TMEM151A: variants seen among roughly 807,000 people sequenced by gnomAD.
TMEM151A encodes transmembrane protein 151.
Under a neutral mutation model 33.7 loss-of-function variants are expected in TMEM151A, and 21 were observed. That is an observed-to-expected ratio of 0.62 (90% CI 0.44 to 0.90). The LOEUF (loss-of-function observed/expected upper bound fraction) is 0.90. Among genes scored for constraint, TMEM151A ranks in the 40% least tolerant of loss-of-function variants. TMEM151A has a pLI of 0.00. For synonymous variants in TMEM151A, 374 were observed against 330.3 expected, an observed-to-expected ratio of 1.13 and a Z score of -1.43; for missense variants, 704 against 697.7, an observed-to-expected ratio of 1.01 and a Z score of -0.10.
Position 66,295,453 on chromosome 11 carries a change from C to A in TMEM151A, c.1207C>A (p.Arg403Ser). The A allele has an allele frequency of 6.9e-7, 1 of 1,441,592 alleles. No homozygotes were observed. The highest frequency in any genetic ancestry group is 9.1e-7 in the Non-Finnish European group (1 of 1,099,500). 89.3% of individuals were successfully genotyped at this position (1,441,592 alleles called of 1,614,324 possible). ...CAGCGGGCCCCGCCTGCCCTTCAGC[C>A]GCAGCCGCCTCTCGCTGGGCGCTGG... ...RPSGPRLPFS[R>S]SRLSLGAGGR... is the part of the protein sequence containing the mutation. The change falls in exon 2 of 2, where the codon CGC becomes AGC. Residue 403 changes from arginine to serine, a missense_variant. By Grantham distance (110) the Arg-to-Ser change is moderately radical. This residue lies in a region of TMEM151A where 398 missense variants were observed against 356.0 expected (regional missense o/e 1.12). Coordinates refer to ENST00000327259, the MANE Select transcript of TMEM151A (RefSeq NM_153266.4).
Position 66,292,040 on chromosome 11 carries a change from C to A in TMEM151A, c.27C>A (p.Gly9=). 1 of 1,498,842 alleles carries A rather than the reference C, an allele frequency of 6.7e-7. No homozygotes were observed. The highest frequency in any genetic ancestry group is 8.8e-7 in the Non-Finnish European group (1 of 1,131,028). The allele number at this position is 1,498,842 out of a possible 1,614,324, so 92.8% of individuals were successfully genotyped here. A position where few individuals can be genotyped will look rare whatever the true frequency, so the allele number is the denominator to read the frequency against. Residue 9 remains glycine, a synonymous_variant, in exon 1 of 2, where the codon GGC becomes GGA. Transcript: ENST00000327259. The surrounding 1 kb of genome is among the most constrained non-coding windows in gnomAD (Gnocchi z 4.7). MPEDGAGD[G]GEVPALIPDG... ...TGCCCGAGGACGGCGCTGGCGACGG[C>A]GGGGAGGTGCCCGCGCTCATCCCGG...
chr11:66,292,170 TGAG>T lies in TMEM151A; in HGVS notation c.75+87_75+89del, dbSNP rs1264208470. On this transcript the variant is annotated intron_variant, in intron 1 of 1. Transcript: ENST00000327259. The surrounding 1 kb of genome is among the most constrained non-coding windows in gnomAD (Gnocchi z 4.7). ...CAAAAGGCGACCCCAAGAGAGGGGC[TGAG>T]GAGGGAAGTCCCAGAGCCCCTACGG... is the stretch of plus-strand genomic sequence containing the variant. The T allele has an allele frequency of 5.8e-6, 7 of 1,211,908 alleles. No homozygotes were observed. The highest frequency in any genetic ancestry group is 6.0e-4 in the Middle Eastern group (2 of 3,340). 75.1% of individuals were successfully genotyped at this position (1,211,908 alleles called of 1,614,324 possible).
In TMEM151A at chr11:66,295,160, C is replaced by T; in HGVS notation, c.914C>T (p.Ala305Val). Residue 305 changes from alanine to valine, a missense_variant, in exon 2 of 2, where the codon GCC becomes GTC. By Grantham distance (64) the Ala-to-Val change is moderately conservative. Coordinates refer to ENST00000327259, the MANE Select transcript of TMEM151A (RefSeq NM_153266.4). ...TCGTGGCCCCTGCGCGTCGTGGCCG[C>T]CTATGGCACGGCTCACGTGCACTAC... ...TLSWPLRVVAAYGTAHVHYQV... is the reference protein window; with the variant it reads ...TLSWPLRVVAVYGTAHVHYQV... The T allele has an allele frequency of 6.3e-7, 1 of 1,586,110 alleles. No individual in the cohort carries two copies. Among genetic ancestry groups the T allele is most frequent in the Non-Finnish European group, 8.5e-7 (1 of 1,171,036 alleles).
Position 66,295,038 on chromosome 11 carries a change from A to AG in TMEM151A, c.793dup (p.Asp265GlyfsTer81). On this transcript the variant is annotated frameshift_variant, in exon 2 of 2. Coordinates refer to ENST00000327259, the MANE Select transcript of TMEM151A (RefSeq NM_153266.4). LOFTEE classifies it high-confidence loss of function. ...GCGAGGGCATGCACCTGAAGGACGTAGACTTCCGCGAGTCGCTCATGGTCT... is the reference window on the plus strand; with the variant it reads ...GCGAGGGCATGCACCTGAAGGACGTAGGACTTCCGCGAGTCGCTCATGGTCT... The AG allele has an allele frequency of 6.3e-7, 1 of 1,598,982 alleles. No individual in the cohort carries two copies. The highest frequency in any genetic ancestry group is 8.5e-7 in the Non-Finnish European group (1 of 1,179,168).
rs1270566945 is a variant in TMEM151A at position 66,295,249 on chromosome 11, C to T, written c.1003C>T (p.Leu335=). The change falls in exon 2 of 2, where the codon CTG becomes TTG. Residue 335 remains leucine (L), a synonymous_variant. Coordinates refer to ENST00000327259, the MANE Select transcript of TMEM151A (RefSeq NM_153266.4). ...PPGAVPSGPP[L]SRVATVDFTE... ...GGGGGCCGTGCCCAGCGGGCCCCCG[C>T]TGTCCCGCGTGGCCACAGTGGACTT... 1.3e-6 allele frequency: 2 copies of T among 1,561,482 alleles called. No individual in the cohort carries two copies. Among genetic ancestry groups the T allele is most frequent in the South Asian group, 1.2e-5 (1 of 85,688 alleles).
rs754386612 is a variant in TMEM151A, at chr11:66,294,485, G to T, written c.239G>T (p.Arg80Leu). The T allele has an allele frequency of 6.2e-7, 1 of 1,603,058 alleles. No individual in the cohort carries two copies. Among genetic ancestry groups the T allele is most frequent in the Non-Finnish European group, 8.5e-7 (1 of 1,174,774 alleles). Reference sequence around the variant, plus strand: ...CTGGGGCCCGAGGCCGCCTTGGCCCGGGGAGCCGGGGGCCCGCCACCGACC... The same window carrying T: ...CTGGGGCCCGAGGCCGCCTTGGCCCTGGGAGCCGGGGGCCCGCCACCGACC... ...LVLGPEAALA[R>L]GAGGPPPTYP... is the part of the protein sequence containing the mutation. Residue 80 changes from arginine to leucine, a missense_variant, in exon 2 of 2, where the codon CGG (arginine) becomes CTG (leucine). Physicochemically the swap from Arg to Leu is moderately radical, Grantham distance 102. Coordinates refer to ENST00000327259, the MANE Select transcript of TMEM151A (RefSeq NM_153266.4).
At chr11:66,293,597 C>T (rs1189367237) in intron 1 of TMEM151A, among the ~76,000 whole-genome samples, 2 of 152,130 alleles carry the variant, frequency 1.3e-5, no homozygotes, top group Admixed American at 1.3e-4. Flanking sequence ...GTTCTTGAGG[C>T]TCCCTCTTTC....
rs1278171592 is a variant in TMEM151A, at chr11:66,295,256, G to T, written c.1010G>T (p.Arg337Leu). 6.4e-7 allele frequency: 1 copy of T among 1,561,370 alleles called. No homozygotes were observed. Among genetic ancestry groups the T allele is most frequent in the African/African-American group, 1.4e-5 (1 of 73,498 alleles). The change falls in exon 2 of 2, where the codon CGC becomes CTC. Residue 337 changes from arginine (R) to leucine (L), a missense_variant. Physicochemically the swap from Arg to Leu is moderately radical, Grantham distance 102. Transcript: ENST00000327259. The stretch of plus-strand genomic sequence containing the variant: ...GTGCCCAGCGGGCCCCCGCTGTCCC[G>T]CGTGGCCACAGTGGACTTCACTGAG... ...GAVPSGPPLS[R>L]VATVDFTELE...
Position 66,295,129 on chromosome 11 carries a change from A to T in TMEM151A, c.883A>T (p.Thr295Ser), listed in dbSNP as rs1408330354. The T allele has an allele frequency of 3.8e-6, 6 of 1,583,646 alleles. No individual in the cohort carries two copies. Among genetic ancestry groups the T allele is most frequent in the Non-Finnish European group, 5.1e-6 (6 of 1,171,018 alleles). Residue 295 changes from threonine to serine, a missense_variant, in exon 2 of 2, where the codon ACG becomes TCG. By Grantham distance (58) the Thr-to-Ser change is moderately conservative (BLOSUM62 1). Coordinates refer to ENST00000327259, the MANE Select transcript of TMEM151A (RefSeq NM_153266.4). Reference protein sequence around the residue: ...AWVFWLVSAATLSWPLRVVAA... With the variant: ...AWVFWLVSAASLSWPLRVVAA... ...GGTCTTCTGGCTCGTGTCGGCGGCC[A>T]CGCTGTCGTGGCCCCTGCGCGTCGT...
At position 66,292,583 on chromosome 11, in the gene TMEM151A, G is replaced by A. The variant is rs1857467095; in HGVS notation, c.75+495G>A. 6.6e-6 allele frequency among the ~76,000 whole-genome samples: 1 copy of A among 152,206 alleles called. No individual in the cohort carries two copies. The highest frequency in any genetic ancestry group is 2.4e-5 in the African/African-American group (1 of 41,456). ...GGATTGAGGGCCCATTCTGCTGGCTGGGACCCCCGACGGCCCCTCCTCAGC... is the reference window on the plus strand; with the variant it reads ...GGATTGAGGGCCCATTCTGCTGGCTAGGACCCCCGACGGCCCCTCCTCAGC... On this transcript the variant is annotated intron_variant, in intron 1 of 1. Coordinates refer to ENST00000327259, the MANE Select transcript of TMEM151A (RefSeq NM_153266.4). This position sits in a 1 kb window ranked among gnomAD's most constrained non-coding sequence, Gnocchi z 4.7.
chr11:66,294,802 A>G lies in TMEM151A; in HGVS notation c.556A>G (p.Ser186Gly). ...GCAGGTGTACCATGAGCGCGCTGAC[A>G]GCCGCACGGCCCGCGGCGAGTTTGA... is the stretch of plus-strand genomic sequence containing the variant. Reference protein sequence around the residue: ...TTQVYHERADSRTARGEFDYS... With the variant: ...TTQVYHERADGRTARGEFDYS... Residue 186 changes from serine (S) to glycine (G), a missense_variant, in exon 2 of 2, where the codon AGC becomes GGC. Physicochemically the swap from Ser to Gly is moderately conservative, Grantham distance 56 (BLOSUM62 0). Around this residue, in one of 3 missense-constraint regions of TMEM151A, gnomAD observed 301 missense variants for 323.4 expected, o/e 0.93. Coordinates refer to ENST00000327259, the MANE Select transcript of TMEM151A (RefSeq NM_153266.4). 5 of 1,543,356 alleles carry G rather than the reference A, an allele frequency of 3.2e-6. No homozygotes were observed. Among genetic ancestry groups the G allele is most frequent in the Non-Finnish European group, 4.4e-6 (5 of 1,146,538 alleles).
chr11:66,294,687 G>C lies in TMEM151A; in HGVS notation c.441G>C (p.Pro147=), dbSNP rs372899881. ...ALIRRLQQAP[P]CVWWKATSYH... is the part of the protein sequence containing the mutation. ...TCCGCCGGCTGCAGCAGGCGCCGCC[G>C]TGCGTCTGGTGGAAGGCCACCAGCT... Residue 147 remains proline (P), a synonymous_variant, in exon 2 of 2, where the codon CCG becomes CCC. Coordinates refer to ENST00000327259, the MANE Select transcript of TMEM151A (RefSeq NM_153266.4). 2 of 1,586,574 alleles carry C rather than the reference G, an allele frequency of 1.3e-6. No individual in the cohort carries two copies. The highest frequency in any genetic ancestry group is 1.8e-5 in the Admixed American group (1 of 55,796).
rs1857490236 is a variant in TMEM151A, at chr11:66,294,573, C to T, written c.327C>T (p.Leu109=). The change falls in exon 2 of 2, where the codon CTC becomes CTT. Residue 109 remains leucine, a synonymous_variant. Transcript: ENST00000327259. ...TCCCGCTGGCCTTCGTCTCCCTCCT[C>T]TACCTCCTCTACCTGGCTGAGTGCT... The part of the protein sequence containing the change: ...LYIPLAFVSL[L]YLLYLAECWH... The T allele has an allele frequency of 6.2e-7, 1 of 1,612,864 alleles. No individual in the cohort carries two copies. Among genetic ancestry groups the T allele is most frequent in the Non-Finnish European group, 8.5e-7 (1 of 1,179,388 alleles).
Position 66,295,500 on chromosome 11 carries a change from C to T in TMEM151A, c.1254C>T (p.Val418=). ...CTGGCGGCCGGGCCACGCCAGGGGT[C>T]TTCCGCAGCCTGAGCGGGGGGCCGC... ...LGAGGRATPG[V]FRSLSGGPLG... The change falls in exon 2 of 2, where the codon GTC becomes GTT. Residue 418 remains valine (V), a synonymous_variant. Transcript: ENST00000327259. The T allele has an allele frequency of 7.2e-7, 1 of 1,388,750 alleles. No homozygotes were observed. Among genetic ancestry groups the T allele is most frequent in the Non-Finnish European group, 9.3e-7 (1 of 1,071,460 alleles). 86.0% of individuals were successfully genotyped at this position (1,388,750 alleles called of 1,614,324 possible).
chr11:66,292,919 A>T lies in TMEM151A; in HGVS notation c.75+831A>T, dbSNP rs1424143331. Among the ~76,000 whole-genome samples, 3 of 151,770 alleles carry T rather than the reference A, an allele frequency of 2.0e-5. No homozygotes were observed. Among genetic ancestry groups the T allele is most frequent in the Non-Finnish European group, 4.4e-5 (3 of 67,950 alleles). On this transcript the variant is annotated intron_variant, in intron 1 of 1. Coordinates refer to ENST00000327259, the MANE Select transcript of TMEM151A (RefSeq NM_153266.4). This position sits in a 1 kb window ranked among gnomAD's most constrained non-coding sequence, Gnocchi z 4.7. ...GGGTGGGGAGATGTGCACTGTGGTC[A>T]GGTGAAGGTCTGGTATGTCTCTGGG...
At position 66,294,687 on chromosome 11, in the gene TMEM151A, G is replaced by A. The variant is rs372899881; in HGVS notation, c.441G>A (p.Pro147=). ...ALIRRLQQAP[P]CVWWKATSYH... is the part of the protein sequence containing the mutation. ...TCCGCCGGCTGCAGCAGGCGCCGCC[G>A]TGCGTCTGGTGGAAGGCCACCAGCT... The change falls in exon 2 of 2, where the codon CCG becomes CCA. Residue 147 remains proline (P), a synonymous_variant. Coordinates refer to ENST00000327259, the MANE Select transcript of TMEM151A (RefSeq NM_153266.4). The A allele has an allele frequency of 1.3e-6, 2 of 1,586,452 alleles. No homozygotes were observed. Among genetic ancestry groups the A allele is most frequent in the Middle Eastern group, 1.7e-4 (1 of 6,034 alleles).
Position 66,294,952 on chromosome 11 carries a change from C to T in TMEM151A, c.706C>T (p.Leu236Phe). 1 of 1,561,610 alleles carries T rather than the reference C, an allele frequency of 6.4e-7. No individual in the cohort carries two copies. Among genetic ancestry groups the T allele is most frequent in the Non-Finnish European group, 8.6e-7 (1 of 1,160,636 alleles). The change falls in exon 2 of 2, where the codon CTC becomes TTC. Residue 236 changes from leucine to phenylalanine, a missense_variant. Coordinates refer to ENST00000327259, the MANE Select transcript of TMEM151A (RefSeq NM_153266.4). Reference protein sequence around the residue: ...FGSAEAEASYLTQRARFFSAN... With the variant: ...FGSAEAEASYFTQRARFFSAN... ...CAGCGCGGAGGCCGAGGCCTCGTAC[C>T]TCACGCAGCGGGCGCGCTTCTTCAG...
rs1857459600 is a variant in TMEM151A, at chr11:66,291,966, T to A, written c.-48T>A. On this transcript the variant is annotated 5_prime_UTR_variant, in exon 1 of 2. Transcript: ENST00000327259. ...CGTCGCAGCCCTCCGTGCTCCCCCC[T>A]ATCATGCCCGGTGCCCAGGCTGGGG... is the stretch of plus-strand genomic sequence containing the variant. 6.8e-7 allele frequency: 1 copy of A among 1,463,534 alleles called. No homozygotes were observed. The highest frequency in any genetic ancestry group is 9.1e-7 in the Non-Finnish European group (1 of 1,104,440). 90.7% of individuals were successfully genotyped at this position (1,463,534 alleles called of 1,614,324 possible). A position where few individuals can be genotyped will look rare whatever the true frequency, so the allele number is the denominator to read the frequency against.
At position 66,292,807 on chromosome 11, in the gene TMEM151A, T is replaced by C. The variant is rs1005903133; in HGVS notation, c.75+719T>C. Among the ~76,000 whole-genome samples the C allele has an allele frequency of 6.6e-6, 1 of 150,562 alleles. No homozygotes were observed. ...CCTGGCTCGGGTTGTCACCCAGTGG[T>C]CTAGGTGTGCGCATGTGAGTGAGTC... On this transcript the variant is annotated intron_variant, in intron 1 of 1. Transcript: ENST00000327259. The surrounding 1 kb of genome is among the most constrained non-coding windows in gnomAD (Gnocchi z 4.7).
Sources: allele counts gnomAD v4.1 joint callset (sites outside exome capture counted in the v4.1 genomes callset), GRCh38; gene constraint gnomAD v4.1.1; regional missense constraint gnomAD v4.1.1; non-coding constraint Gnocchi (gnomAD v3.1); transcripts MANE v1.5; gene names NCBI Gene and HGNC (gene_info 2026-07-23, HGNC 2026-07-21).